Variants in SLC35F3 observed in about 807,000 individuals in gnomAD.
SLC35F3 encodes the protein solute carrier family 35 member F3.
In SLC35F3, 25 loss-of-function variants were observed where a neutral mutation model predicts 49.9. The observed-to-expected ratio is 0.50, with a 90% CI of 0.37 to 0.70. SLC35F3 has a LOEUF of 0.70. Among genes scored for constraint, SLC35F3 ranks in the 30% least tolerant of loss-of-function variants. The pLI, the probability that SLC35F3 is intolerant of heterozygous loss-of-function variation, is 0.00. For synonymous variants in SLC35F3, 275 were observed against 265.4 expected (o/e 1.04, Z -0.35); for missense variants, 525 against 639.8 (o/e 0.82, Z 1.94).
chr1:234,120,844 G>A (rs998711940), intron 2 of SLC35F3, among the ~76,000 whole-genome samples: 15 of 152,124 alleles, frequency 9.9e-5, no homozygotes, highest in African/African-American at 3.4e-4. Flanking sequence ...ATTTACAATC[G>A]AGGGATCTTT....
At chr1:233,998,259 G>A (rs1355221100) in intron 2 of SLC35F3, among the ~76,000 whole-genome samples, 2 of 151,846 alleles carry the variant, frequency 1.3e-5, no homozygotes, top group East Asian at 3.9e-4. Context: ...CTCCTACCTA[G>A]CTAGCTTCTC....
intron 2 of SLC35F3, among the ~76,000 whole-genome samples, chr1:233,932,601 C>A (rs1412185972): frequency 1.3e-5 from 2 of 152,122 alleles, no homozygotes; most frequent in Non-Finnish European, 2.9e-5. Context: ...TGTAAGAATT[C>A]ATCAAGTGCT....
At chr1:234,230,464 C>A (rs1023693943) in intron 2 of SLC35F3, among the ~76,000 whole-genome samples, 4 of 152,222 alleles carry the variant, frequency 2.6e-5, no homozygotes, top group African/African-American at 9.6e-5. Context: ...CCAGGCACAA[C>A]ATCATTATAA....
intron 2 of SLC35F3, among the ~76,000 whole-genome samples, chr1:233,994,419 T>C (rs1338881361): frequency 2.0e-5 from 3 of 149,802 alleles, no homozygotes; most frequent in Admixed American, 6.7e-5. Context: ...GTGCAGCTCC[T>C]AACTACAACC....
intron 2 of SLC35F3, among the ~76,000 whole-genome samples, chr1:234,091,479 ACTT>A (rs1244139713): frequency 6.6e-6 from 1 of 152,192 alleles, no homozygotes; most frequent in Non-Finnish European, 1.5e-5. Context: ...CAAAGTGCTC[ACTT>A]CTCTGAGACC....
At chr1:233,940,225 G>C (rs975818170) in intron 2 of SLC35F3, among the ~76,000 whole-genome samples, 1 of 152,028 alleles carries the variant, frequency 6.6e-6, no homozygotes, top group Non-Finnish European at 1.5e-5. Flanking sequence ...AAATATTGTT[G>C]ATGTCTTTCA....
At chr1:234,282,246 A>G (rs762732590) in intron 3 of SLC35F3, among the ~76,000 whole-genome samples, 1 of 152,158 alleles carries the variant, frequency 6.6e-6, no homozygotes, top group Non-Finnish European at 1.5e-5. Context: ...CTCAGTCTCT[A>G]TTGCCAGCCA....
intron 2 of SLC35F3, among the ~76,000 whole-genome samples, chr1:233,941,868 G>T (rs186564440): frequency 3.0e-4 from 45 of 151,588 alleles, no homozygotes; most frequent in Non-Finnish European, 5.6e-4. Flanking sequence ...GAATGTATGC[G>T]TACACCCATG....
At chr1:234,059,469 C>T (rs1328761074) in intron 2 of SLC35F3, among the ~76,000 whole-genome samples, 4 of 151,980 alleles carry the variant, frequency 2.6e-5, no homozygotes, top group Admixed American at 2.6e-4. Context: ...TTACTTTACA[C>T]ATATTTATGA....
chr1:233,952,865 A>G (rs1344082995), intron 2 of SLC35F3, among the ~76,000 whole-genome samples: 1 of 152,064 alleles, frequency 6.6e-6, no homozygotes, highest in Non-Finnish European at 1.5e-5. Flanking sequence ...AAAAGATGGA[A>G]TTCGCCCCCC....
intron 2 of SLC35F3, among the ~76,000 whole-genome samples, chr1:234,142,366 A>G (rs1051893922): frequency 2.0e-5 from 3 of 152,194 alleles, no homozygotes; most frequent in African/African-American, 7.2e-5. Context: ...GATGCTGTTC[A>G]TGAACAAGAA....
At chr1:234,162,252 A>G (rs1189180793) in intron 2 of SLC35F3, among the ~76,000 whole-genome samples, 1 of 151,892 alleles carries the variant, frequency 6.6e-6, no homozygotes, top group African/African-American at 2.4e-5. Context: ...GTCTGTGGCT[A>G]CGATGCTGTG....
intron 2 of SLC35F3, among the ~76,000 whole-genome samples, chr1:233,923,685 T>G (rs947064605): frequency 3.9e-5 from 6 of 152,166 alleles, no homozygotes; most frequent in African/African-American, 1.4e-4. Context: ...CAACACTATG[T>G]TGAATAGGAG....
intron 2 of SLC35F3, among the ~76,000 whole-genome samples, chr1:234,205,597 A>C (rs1666957752): frequency 6.6e-6 from 1 of 152,376 alleles, no homozygotes; most frequent in East Asian, 1.9e-4. Flanking sequence ...TCTGAGGGGC[A>C]GAAACAGCTA....
Position 234,216,605 on chromosome 1 carries a change from G to T in SLC35F3, c.284-14812G>T, listed in dbSNP as rs553969409. Among the ~76,000 whole-genome samples, 3 of 152,360 alleles carry T rather than the reference G, an allele frequency of 2.0e-5. No homozygotes were observed. The South Asian group carries it at 6.2e-4, about 32-fold the overall frequency. ...AACGCCAGCAGCTGCCTCGCCACGG[G>T]CTTGGCTTTGGAACTAGCATTTCCT... On this transcript the variant is annotated intron_variant, in intron 2 of 7. Coordinates refer to ENST00000366618, the MANE Select transcript of SLC35F3 (RefSeq NM_173508.4).
intron 4 of SLC35F3, 56 bp downstream of exon 4, chr1:234,309,376 G>A: frequency 2.0e-6 from 3 of 1,506,186 alleles, no homozygotes; most frequent in Non-Finnish European, 1.8e-6. Context: ...ACCAAAACCT[G>A]CCCATCGGCT....
chr1:234,030,360 A>C (rs1664043755), intron 2 of SLC35F3, among the ~76,000 whole-genome samples: 1 of 152,152 alleles, frequency 6.6e-6, no homozygotes, highest in African/African-American at 2.4e-5. Flanking sequence ...ATCACCAGAG[A>C]AGAAGAATAT....
rs1657292124 is a variant in SLC35F3, at chr1:234,309,334, T to C, written c.828+14T>C. ...ATGGGAGTGAGGGTAAGTTCCTTAT[T>C]ATCTGTCTTCCTCCCTCACTCAGTC... On this transcript the variant is annotated intron_variant, in intron 4 of 7. Coordinates refer to ENST00000366618, the MANE Select transcript of SLC35F3 (RefSeq NM_173508.4). 6.2e-7 allele frequency: 1 copy of C among 1,611,426 alleles called. No individual in the cohort carries two copies. The highest frequency in any genetic ancestry group is 8.5e-7 in the Non-Finnish European group (1 of 1,177,928).
chr1:234,287,506 A>G (rs978759968), intron 3 of SLC35F3, among the ~76,000 whole-genome samples: 1 of 152,190 alleles, frequency 6.6e-6, no homozygotes, highest in Non-Finnish European at 1.5e-5. Context: ...ACTAATAATA[A>G]TAGTAGCTAA....
Sources: gnomAD v4.1 joint callset for allele counts (sites outside exome capture counted in the v4.1 genomes callset) on GRCh38, gnomAD v4.1.1 for gene constraint, MANE v1.5 for transcripts, NCBI Gene and HGNC (gene_info 2026-07-23, HGNC 2026-07-21) for gene names.